The following KNDC1 variants were observed in gnomAD, a reference collection of about 807,000 sequenced individuals.
The protein encoded by KNDC1 is kinase non-catalytic C-lobe domain containing 1.
In KNDC1, 106 loss-of-function variants were observed where a neutral mutation model predicts 172.8. That is an observed-to-expected ratio of 0.61 (90% CI 0.52 to 0.72). KNDC1 has a LOEUF of 0.72. KNDC1 is among the 30% of genes least tolerant of loss of function. The pLI is 0.00. For missense variants in KNDC1, 2,325 were observed against 2,394.5 expected, an observed-to-expected ratio of 0.97 and a Z score of 0.61; for synonymous variants, 1,083 against 1,062.2, an observed-to-expected ratio of 1.02 and a Z score of -0.38.
intron 20 of KNDC1, 125 bp from the exon 21 acceptor site, chr10:133,210,486 T>C (rs1845338769): frequency 1.7e-6 from 1 of 602,504 alleles, no homozygotes; most frequent in Non-Finnish European, 3.0e-6. Context: ...CTCCGGGGAT[T>C]CTCCTGACAG....
chr10:133,222,385 A>C (rs1387033594), intron 29 of KNDC1, among the ~76,000 whole-genome samples: 1 of 152,142 alleles, frequency 6.6e-6, no homozygotes, highest in Non-Finnish European at 1.5e-5. Flanking sequence ...GAGCGCCTCC[A>C]GATCTGCCCT....
intron 23 of KNDC1, among the ~76,000 whole-genome samples, 192 bp from the exon 24 acceptor site, chr10:133,212,524 C>T (rs974385776): frequency 2.0e-5 from 3 of 152,254 alleles, no homozygotes; most frequent in East Asian, 1.9e-4. Flanking sequence ...CCTGCTGAAA[C>T]GACCAGGACA....
chr10:133,177,822 GTGTAA>G (rs1254387953), intron 3 of KNDC1, among the ~76,000 whole-genome samples: 1 of 151,982 alleles, frequency 6.6e-6, no homozygotes, highest in South Asian at 2.1e-4. Flanking sequence ...CATGTTTGTG[GTGTAA>G]TGTGTGCGTG....
chr10:133,211,353 T>A, intron 21 of KNDC1, 69 bp from the exon 22 acceptor site: 2 of 1,469,818 alleles, frequency 1.4e-6, no homozygotes, highest in Non-Finnish European at 1.8e-6. Flanking sequence ...GAGAGCCACA[T>A]GCAAGCCCCT....
Position 133,195,750 on chromosome 10 carries a change from C to T in KNDC1, c.1663C>T (p.Leu555Phe). ...RNHKLALPRR[L>F]KTLLLDMARR... ...CCACAAGCTGGCCCTGCCACGCAGG[C>T]TCAAGACCCTCCTCCTGGACATGGC... The change falls in exon 10 of 30, where the codon CTC (leucine) becomes TTC (phenylalanine). Residue 555 changes from leucine (L) to phenylalanine (F), a missense_variant. By Grantham distance (22) the Leu-to-Phe change is conservative. Coordinates refer to ENST00000304613, the MANE Select transcript of KNDC1 (RefSeq NM_152643.8). 6.2e-7 allele frequency: 1 copy of T among 1,610,666 alleles called. No homozygotes were observed. Among genetic ancestry groups the T allele is most frequent in the Non-Finnish European group, 8.5e-7 (1 of 1,178,890 alleles).
intron 7 of KNDC1, 44 bp downstream of exon 7, chr10:133,188,697 C>CCA: frequency 9.3e-7 from 1 of 1,079,416 alleles, no homozygotes; most frequent in Non-Finnish European, 1.3e-6. Flanking sequence ...CCCCACCCCC[C>CCA]ACTGCTGTTC....
At chr10:133,206,096 A>C (rs1845185987) in intron 17 of KNDC1, among the ~76,000 whole-genome samples, 1 of 152,164 alleles carries the variant, frequency 6.6e-6, no homozygotes, top group Non-Finnish European at 1.5e-5. Context: ...GCTACTCGGG[A>C]GGCTGAGGCA....
chr10:133,175,583 G>A lies in KNDC1; in HGVS notation c.360+7271G>A, dbSNP rs1157608763. Among the ~76,000 whole-genome samples the A allele has an allele frequency of 9.9e-5, 6 of 60,620 alleles. No homozygotes were observed. In the East Asian group the frequency reaches 4.0e-3, roughly 40 times the overall value. The allele number at this position is 60,620 out of a possible 152,430, so 39.8% of individuals were successfully genotyped here. ...GATGCATGGGTGAGTAAATGGATGG[G>A]TAGATGGATGGATGGATGGATGGGT... On this transcript the variant is annotated intron_variant, in intron 3 of 29. Coordinates refer to ENST00000304613, the MANE Select transcript of KNDC1 (RefSeq NM_152643.8).
At position 133,189,554 on chromosome 10, in the gene KNDC1, G is replaced by A. The variant is rs200151807; in HGVS notation, c.1442-44G>A. Reference sequence around the variant, plus strand: ...TCCTTCCCCCCAGCCAGCCCCAAGTGCGGGGCAGCATGCATACCCGCCCTG... The same window carrying A: ...TCCTTCCCCCCAGCCAGCCCCAAGTACGGGGCAGCATGCATACCCGCCCTG... On this transcript the variant is annotated intron_variant, in intron 7 of 29. Coordinates refer to ENST00000304613, the MANE Select transcript of KNDC1 (RefSeq NM_152643.8). The A allele has an allele frequency of 4.5e-4, 712 of 1,573,518 alleles. 2 individuals carry two copies. In the African/African-American group the frequency reaches 8.1e-3, roughly 18 times the overall value.
intron 29 of KNDC1, among the ~76,000 whole-genome samples, chr10:133,220,968 C>T (rs1845575655): frequency 6.6e-6 from 1 of 152,106 alleles, no homozygotes; most frequent in African/African-American, 2.4e-5. Context: ...CTCACAGCCT[C>T]AGACCTCCCT....
At chr10:133,210,017 C>T (rs1845324892) in intron 20 of KNDC1, among the ~76,000 whole-genome samples, 1 of 152,128 alleles carries the variant, frequency 6.6e-6, no homozygotes, top group Non-Finnish European at 1.5e-5. Context: ...GGCACCAGCT[C>T]CCTCAGCTTC....
Position 133,206,522 on chromosome 10 carries a change from C to T in KNDC1, c.3388-163C>T, listed in dbSNP as rs879467020. ...GCCCCCCAGACCACACTGCCCAGGC[C>T]GGGGCTGGCCTCGCTGGCTGAGTGG... On this transcript the variant is annotated intron_variant, in intron 17 of 29. Transcript: ENST00000304613. Among the ~76,000 whole-genome samples the T allele has an allele frequency of 3.3e-4, 50 of 152,328 alleles. 1 individual carries two copies. Among genetic ancestry groups the T allele is most frequent in the Admixed American group, 1.1e-3 (17 of 15,306 alleles).
chr10:133,199,320 CAG>C, intron 14 of KNDC1, 54 bp downstream of exon 14: 7 of 1,547,678 alleles, frequency 4.5e-6, no homozygotes, highest in Non-Finnish European at 5.2e-6. Flanking sequence ...GAGAGCCCCA[CAG>C]GGGACTCGGG....
chr10:133,204,188 A>C (rs1854458565), intron 17 of KNDC1, among the ~76,000 whole-genome samples: 1 of 152,310 alleles, frequency 6.6e-6, no homozygotes, highest in Non-Finnish European at 1.5e-5. Context: ...GCAGCAGAAC[A>C]CAGCTCCATG....
At chr10:133,172,962 C>A (rs937232550) in intron 3 of KNDC1, among the ~76,000 whole-genome samples, 1 of 152,168 alleles carries the variant, frequency 6.6e-6, no homozygotes, top group African/African-American at 2.4e-5. Context: ...ATGATTACCC[C>A]ACTGCACTCC....
chr10:133,219,278 G>A (rs1051702863), intron 28 of KNDC1, among the ~76,000 whole-genome samples, 188 bp downstream of exon 28: 4 of 152,256 alleles, frequency 2.6e-5, no homozygotes, highest in African/African-American at 4.8e-5. Flanking sequence ...CCTGGGCAGA[G>A]GTGTCCCACC....
chr10:133,219,939 C>G lies in KNDC1; in HGVS notation c.4861-16C>G. 1 of 1,546,348 alleles carries G rather than the reference C, an allele frequency of 6.5e-7. No individual in the cohort carries two copies. The highest frequency in any genetic ancestry group is 8.7e-7 in the Non-Finnish European group (1 of 1,144,048). ...GCCCTGTCTCTCCCCGGCCCACGCC[C>G]CGGCTGGACCACCAGGTCTTCCTGA... On this transcript the variant is annotated splice_polypyrimidine_tract_variant and intron_variant, in intron 28 of 29. Coordinates refer to ENST00000304613, the MANE Select transcript of KNDC1 (RefSeq NM_152643.8).
intron 3 of KNDC1, among the ~76,000 whole-genome samples, chr10:133,175,069 G>A (rs1243354393): frequency 6.7e-6 from 1 of 149,580 alleles, no homozygotes; most frequent in African/African-American, 2.5e-5. Flanking sequence ...GTAAATGGAT[G>A]GGTGGGTGGA....
At chr10:133,215,428 C>T (rs1845452209) in intron 26 of KNDC1, among the ~76,000 whole-genome samples, 2 of 152,268 alleles carry the variant, frequency 1.3e-5, no homozygotes, top group South Asian at 2.1e-4. Context: ...CGCCTTCTCT[C>T]CTCCCTTGGG....
Sources: allele counts gnomAD v4.1 joint callset (sites outside exome capture counted in the v4.1 genomes callset), GRCh38; gene constraint gnomAD v4.1.1; transcripts MANE v1.5; gene names NCBI Gene and HGNC (gene_info 2026-07-23, HGNC 2026-07-21).